The following UBR4 variants were observed in gnomAD, a reference collection of about 807,000 sequenced individuals.
UBR4 encodes ubiquitin protein ligase E3 component n-recognin 4.
In UBR4, 124 loss-of-function variants were observed where a neutral mutation model predicts 575.6. The observed-to-expected ratio is 0.22, with a 90% CI of 0.19 to 0.25. UBR4 has a LOEUF of 0.25. Among genes scored for constraint, UBR4 ranks in the 10% least tolerant of loss-of-function variants. UBR4 has a pLI of 1.00. For synonymous variants in UBR4, 2,455 were observed against 2,473.7 expected (o/e 0.99, Z 0.22); for missense variants, 4,818 against 6,478.8 (o/e 0.74, Z 8.80).
chr1:19,170,635 A>T, intron 26 of UBR4, 127 bp downstream of exon 26: 1 of 1,297,032 alleles, frequency 7.7e-7, no homozygotes, highest in Non-Finnish European at 1.1e-6. Flanking sequence ...AACCTACCTA[A>T]ATGCTTGATA....
intron 55 of UBR4, 71 bp downstream of exon 55, chr1:19,143,909 A>G (rs2084462648): frequency 7.7e-6 from 11 of 1,426,760 alleles, no homozygotes; most frequent in Admixed American, 6.8e-5. Flanking sequence ...AGCATGCCCA[A>G]TGCTACTGTA....
At chr1:19,128,150 G>T in intron 62 of UBR4, 61 bp downstream of exon 62, 1 of 1,499,048 alleles carries the variant, frequency 6.7e-7, no homozygotes, top group South Asian at 1.1e-5. Context: ...AAACGAATGG[G>T]AACCTGAGAA....
chr1:19,186,335 T>C (rs2091522330), intron 14 of UBR4, among the ~76,000 whole-genome samples: 1 of 152,246 alleles, frequency 6.6e-6, no homozygotes, highest in South Asian at 2.1e-4. Flanking sequence ...GGCTGAAAGT[T>C]GTTTCCATCA....
At chr1:19,080,598 G>A (rs1385949004) in intron 103 of UBR4, 1 of 152,194 alleles carries the variant, frequency 6.6e-6, no homozygotes, top group Non-Finnish European at 1.5e-5. Context: ...CATTTCACTC[G>A]AGGGACAGAA....
rs749529834 is a variant in UBR4 at position 19,177,506 on chromosome 1, A to G, written c.2592T>C (p.Tyr864=). The change falls in exon 19 of 106, where the codon TAT becomes TAC. Residue 864 remains tyrosine (Y), a synonymous_variant. Coordinates refer to ENST00000375254, the MANE Select transcript of UBR4 (RefSeq NM_020765.3). ...GGGCTTTGGAGTACTGATGAAGCAG[A>G]TAATCAAAGATGAGAAGGAGGCGAG... ...ILARLLLIFD[Y]LLHQYSKAPV... The G allele has an allele frequency of 1.9e-6, 3 of 1,614,206 alleles. No individual in the cohort carries two copies. The East Asian group carries it at 6.7e-5, about 36-fold the overall frequency.
At position 19,198,962 on chromosome 1, in the gene UBR4, A is replaced by C. The variant is rs181134168; in HGVS notation, c.379-34T>G. On this transcript the variant is annotated intron_variant, in intron 3 of 105. Coordinates refer to ENST00000375254, the MANE Select transcript of UBR4 (RefSeq NM_020765.3). ...AAAACAAATGCAAACAAAAGAAAAC[A>C]AAAACAAATAGATCTTTCAGAAAAT... is the stretch of plus-strand genomic sequence containing the variant. 2.6e-5 allele frequency: 41 copies of C among 1,604,792 alleles called. No homozygotes were observed. In the African/African-American group the frequency reaches 4.8e-4, roughly 19 times the overall value.
At position 19,152,196 on chromosome 1, in the gene UBR4, G is replaced by A; in HGVS notation, c.6996+117C>T. On this transcript the variant is annotated intron_variant, in intron 47 of 105. Coordinates refer to ENST00000375254, the MANE Select transcript of UBR4 (RefSeq NM_020765.3). The surrounding 1 kb of genome is among the most constrained non-coding windows in gnomAD (Gnocchi z 4.4). ...TAAGGAACCATTTAACTAGAACCGA[G>A]GGTTGTGACTGTGAGTATATACTCT... is the stretch of plus-strand genomic sequence containing the variant. The A allele has an allele frequency of 1.4e-6, 2 of 1,383,036 alleles. No homozygotes were observed. Among genetic ancestry groups the A allele is most frequent in the Non-Finnish European group, 9.9e-7 (1 of 1,009,886 alleles). The allele number at this position is 1,383,036 out of a possible 1,614,324, so 85.7% of individuals were successfully genotyped here.
Position 19,117,414 on chromosome 1 carries a change from A to G in UBR4, c.10630T>C (p.Tyr3544His). 1 of 1,614,076 alleles carries G rather than the reference A, an allele frequency of 6.2e-7. No individual in the cohort carries two copies. The highest frequency in any genetic ancestry group is 2.2e-5 in the East Asian group (1 of 44,884). The change falls in exon 73 of 106, where the codon TAT becomes CAT. Residue 3544 changes from tyrosine (Y) to histidine (H), a missense_variant and splice_region_variant. Physicochemically the swap from Tyr to His is moderately conservative, Grantham distance 83 (BLOSUM62 2). Transcript: ENST00000375254. This position sits in a 1 kb window ranked among gnomAD's most constrained non-coding sequence, Gnocchi z 4.0. ...ACTTTAATGGAAGACAGCTTGATAT[A>G]CTAAATACAAGAGTTCACAAAACAT... The part of the protein sequence containing the change: ...VCNNPEVPFC[Y>H]IKLSSIKVDT...
At position 19,120,185 on chromosome 1, in the gene UBR4, G is replaced by T; in HGVS notation, c.10305C>A (p.Ile3435=). 1.2e-6 allele frequency: 2 copies of T among 1,614,136 alleles called. No homozygotes were observed. The highest frequency in any genetic ancestry group is 2.2e-5 in the South Asian group (2 of 91,072). Residue 3435 remains isoleucine, a synonymous_variant, in exon 69 of 106, where the codon ATC becomes ATA. Transcript: ENST00000375254. The part of the protein sequence containing the change: ...RWQAHCLTLH[I]YRNSSKSQQE... ...AAACCAAGCCCTGGCCCTACCTGTAGATGTGCAGTGTCAGACAGTGGGCCT... is the reference window on the plus strand; with the variant it reads ...AAACCAAGCCCTGGCCCTACCTGTATATGTGCAGTGTCAGACAGTGGGCCT...
rs1180216768 is a variant in UBR4, at chr1:19,153,628, GA to G, written c.6631-127del. 3 of 1,465,580 alleles carry G rather than the reference GA, an allele frequency of 2.0e-6. No homozygotes were observed. Among genetic ancestry groups the G allele is most frequent in the East Asian group, 4.6e-5 (2 of 43,810 alleles). 90.8% of individuals were successfully genotyped at this position (1,465,580 alleles called of 1,614,324 possible). ...AGGGGCTGTACAGAAGGGTGGCAAAGAAAAGGCATCTAGAAGAAAAAGGACT... is the reference window on the plus strand; with the variant it reads ...AGGGGCTGTACAGAAGGGTGGCAAAGAAAGGCATCTAGAAGAAAAAGGACT... On this transcript the variant is annotated intron_variant, in intron 45 of 105. Transcript: ENST00000375254. This position sits in a 1 kb window ranked among gnomAD's most constrained non-coding sequence, Gnocchi z 4.1.
At chr1:19,161,982 G>A (rs1343420863) in intron 35 of UBR4, 85 bp from the exon 36 acceptor site, 5 of 1,488,930 alleles carry the variant, frequency 3.4e-6, no homozygotes, top group Non-Finnish European at 3.7e-6. Context: ...AACGCCCTAT[G>A]GCGGGGTGAA....
At chr1:19,155,172 C>T (rs2086276835) in intron 43 of UBR4, 97 bp from the exon 44 acceptor site, 11 of 1,495,192 alleles carry the variant, frequency 7.4e-6, no homozygotes, top group Non-Finnish European at 1.0e-5. Flanking sequence ...TGATCAGGTG[C>T]TCTCATACTC....
intron 2 of UBR4, 44 bp downstream of exon 2, chr1:19,201,670 CCCTA>C: frequency 2.0e-6 from 3 of 1,512,778 alleles, no homozygotes; most frequent in Non-Finnish European, 2.7e-6. Context: ...TAAACAATCC[CCCTA>C]TTCACAAGCC....
At chr1:19,190,312 A>AAAAAAAAAAAAAATATATATATAT in intron 11 of UBR4, among the ~76,000 whole-genome samples, 6 of 79,910 alleles carry the variant, frequency 7.5e-5, no homozygotes, top group Admixed American at 1.8e-4. Context: ...AAAAAAAAAA[A>AAAAAAAAAAAAAATATATATATAT]ATATATATAT....
Position 19,156,781 on chromosome 1 carries a change from C to G in UBR4, c.5905G>C (p.Val1969Leu). ...GNPCKEDYLA[V>L]CGLKDCHVLT... ...CGGATTTTTACCTTTAGCCCACAAA[C>G]CGCCAAGTAGTCTTCCTTGCAGGGA... Residue 1969 changes from valine to leucine, a missense_variant, in exon 41 of 106, where the codon GTT (valine) becomes CTT (leucine). By Grantham distance (32) the Val-to-Leu change is conservative. Transcript: ENST00000375254. 6.2e-7 allele frequency: 1 copy of G among 1,613,456 alleles called. No individual in the cohort carries two copies. Among genetic ancestry groups the G allele is most frequent in the Non-Finnish European group, 8.5e-7 (1 of 1,179,540 alleles).
chr1:19,119,808 G>C (rs2080976826), intron 69 of UBR4, 107 bp from the exon 70 acceptor site: 1 of 1,407,494 alleles, frequency 7.1e-7, no homozygotes, highest in Admixed American at 2.3e-5. Context: ...TATGGGTTAA[G>C]TTTGAACGGT....
Position 19,095,045 on chromosome 1 carries a change from A to T in UBR4, c.13627-20T>A, listed in dbSNP as rs769982416. The T allele has an allele frequency of 6.8e-6, 11 of 1,613,992 alleles. No homozygotes were observed. The highest frequency in any genetic ancestry group is 9.3e-6 in the Non-Finnish European group (11 of 1,180,002). On this transcript the variant is annotated intron_variant, in intron 93 of 105. Transcript: ENST00000375254. ...AAGGGCCTGTAGGAGAAGGAGACTC[A>T]GTCACTCTCAGAATAAGACCACAGC...
chr1:19,170,861 T>C lies in UBR4; in HGVS notation c.3544A>G (p.Asn1182Asp), dbSNP rs780764440. Residue 1182 changes from asparagine (N) to aspartate (D), a missense_variant, in exon 26 of 106, where the codon AAT (asparagine) becomes GAT (aspartate). By Grantham distance (23) the Asn-to-Asp change is conservative (BLOSUM62 1). Transcript: ENST00000375254. ...FTRAYLLQNF[N>D]EEGTTEKPSK... ...GGTTTCTCAGTTGTTCCCTCTTCAT[T>C]AAAGTTTTGCAGCAAATAGGCTCTG... 2.5e-6 allele frequency: 4 copies of C among 1,614,050 alleles called. No individual in the cohort carries two copies. The African/African-American group carries it at 5.3e-5, about 22-fold the overall frequency.
rs930641436 is a variant in UBR4, at chr1:19,093,784, G to A, written c.13937+165C>T. Among the ~76,000 whole-genome samples, 3 of 152,106 alleles carry A rather than the reference G, an allele frequency of 2.0e-5. No homozygotes were observed. The highest frequency in any genetic ancestry group is 6.5e-5 in the Admixed American group (1 of 15,268). Reference sequence around the variant, plus strand: ...ACTAGCCAATTGCTACTCTAATACAGTATATTTTAACTATTCACTTCCCAA... The same window carrying A: ...ACTAGCCAATTGCTACTCTAATACAATATATTTTAACTATTCACTTCCCAA... On this transcript the variant is annotated intron_variant, in intron 95 of 105. Coordinates refer to ENST00000375254, the MANE Select transcript of UBR4 (RefSeq NM_020765.3). The surrounding 1 kb of genome is among the most constrained non-coding windows in gnomAD (Gnocchi z 4.8).
Sources: gnomAD v4.1 joint callset for allele counts (sites outside exome capture counted in the v4.1 genomes callset) on GRCh38, gnomAD v4.1.1 for gene constraint, Gnocchi (gnomAD v3.1) non-coding constraint, MANE v1.5 for transcripts, NCBI Gene and HGNC (gene_info 2026-07-23, HGNC 2026-07-21) for gene names.